The following CHUK variants were observed in gnomAD, a reference collection of about 807,000 sequenced individuals.
The protein encoded by CHUK is inhibitor of nuclear factor kappa-B kinase subunit alpha.
CHUK carries 35 observed loss-of-function variants against 104.8 expected under a neutral mutation model. The observed-to-expected ratio is 0.33, with a 90% CI of 0.26 to 0.44. The LOEUF (loss-of-function observed/expected upper bound fraction) is 0.44. CHUK is among the 20% of genes least tolerant of loss of function. The pLI is 1.00. For missense variants in CHUK, 663 were observed against 902.7 expected (o/e 0.73, Z 3.40); for synonymous variants, 276 against 291.9 (o/e 0.95, Z 0.56).
At chr10:100,198,827 T>A (rs1845396474) in intron 16 of CHUK, among the ~76,000 whole-genome samples, 1 of 152,254 alleles carries the variant, frequency 6.6e-6, no homozygotes, top group Admixed American at 6.5e-5. Flanking sequence ...AGTATATCTT[T>A]TTTTAACATG....
At chr10:100,189,733 G>T in intron 20 of CHUK, 106 bp from the exon 21 acceptor site, 2 of 758,264 alleles carry the variant, frequency 2.6e-6, no homozygotes, top group Non-Finnish European at 2.3e-6. Flanking sequence ...ATAATCAAAA[G>T]TTGAAAAATC....
chr10:100,198,769 TATTA>T (rs1197935022), intron 16 of CHUK, among the ~76,000 whole-genome samples: 5 of 152,344 alleles, frequency 3.3e-5, no homozygotes, highest in East Asian at 1.9e-4. Context: ...TTCACATGTA[TATTA>T]ATTTGCATGT....
intron 16 of CHUK, among the ~76,000 whole-genome samples, chr10:100,197,453 A>G (rs1845360095): frequency 6.6e-6 from 1 of 152,182 alleles, no homozygotes; most frequent in Admixed American, 6.5e-5. Flanking sequence ...TTTTGGTCTC[A>G]GGACCCCTTT....
At chr10:100,226,851 T>C (rs970884878) in intron 1 of CHUK, among the ~76,000 whole-genome samples, 1 of 152,018 alleles carries the variant, frequency 6.6e-6, no homozygotes, top group African/African-American at 2.4e-5. Flanking sequence ...AAATATATTA[T>C]AGGTGGGGAA....
intron 19 of CHUK, chr10:100,192,583 G>A: frequency 1.0e-6 from 1 of 985,166 alleles, no homozygotes; most frequent in Non-Finnish European, 1.2e-6. Flanking sequence ...CTAATTATGG[G>A]CAGAGCTTCC....
chr10:100,228,985 GCGCGCGCGCACACACA>G lies in CHUK; in HGVS notation c.105+427_105+442del, dbSNP rs1027285271. On this transcript the variant is annotated intron_variant, in intron 1 of 20. Transcript: ENST00000370397. Reference sequence around the variant, plus strand: ...TATCATATGGCCTCCAAGCGCGCGCGCGCGCGCGCACACACACACACACACACACACACACACACAC... The same window carrying G: ...TATCATATGGCCTCCAAGCGCGCGCGCACACACACACACACACACACACAC... 5.7e-5 allele frequency among the ~76,000 whole-genome samples: 5 copies of G among 86,998 alleles called. No individual in the cohort carries two copies. The South Asian group carries it at 9.7e-4, about 17-fold the overall frequency. The allele number at this position is 86,998 out of a possible 152,430, so 57.1% of individuals were successfully genotyped here.
chr10:100,193,505 T>C lies in CHUK; in HGVS notation c.1975-74A>G. 3 of 1,548,106 alleles carry C rather than the reference T, an allele frequency of 1.9e-6. No homozygotes were observed. In the South Asian group the frequency reaches 3.4e-5, roughly 17 times the overall value. On this transcript the variant is annotated intron_variant, in intron 18 of 20. Transcript: ENST00000370397. ...TTGATTCACACAATTTCTTATCATA[T>C]TCCTAAGACTTACATTTCCGTTACT... is the stretch of plus-strand genomic sequence containing the variant.
chr10:100,193,899 C>G, intron 18 of CHUK, 85 bp downstream of exon 18: 1 of 1,227,132 alleles, frequency 8.1e-7, no homozygotes, highest in South Asian at 1.2e-5. Context: ...TTCAAGAGGG[C>G]CCACCTCATG....
downstream of CHUK, chr10:100,186,786 C>G (rs150727314): frequency 6.6e-6 from 1 of 152,230 alleles, no homozygotes; most frequent in East Asian, 1.9e-4. Flanking sequence ...TAGATGAATA[C>G]AAGAGAAATT....
intron 9 of CHUK, among the ~76,000 whole-genome samples, chr10:100,211,442 G>A (rs1265577709): frequency 3.3e-5 from 5 of 151,668 alleles, no homozygotes; most frequent in East Asian, 3.9e-4. Flanking sequence ...TTTTGCTGCC[G>A]TAATTTTTGG....
Position 100,194,119 on chromosome 10 carries a change from G to A in CHUK, c.1839C>T (p.Gly613=), listed in dbSNP as rs768110516. 3 of 1,613,440 alleles carry A rather than the reference G, an allele frequency of 1.9e-6. No homozygotes were observed. The South Asian group carries it at 3.3e-5, about 18-fold the overall frequency. The part of the protein sequence containing the change: ...ELFGHLSKLL[G]CKQKIIDLLP... ...GTAGATCAATAATCTTCTGCTTACA[G>A]CCCAACAACTTGCTGGAGAGATTAA... Residue 613 remains glycine (G), a synonymous_variant, in exon 18 of 21, where the codon GGC becomes GGT. Coordinates refer to ENST00000370397, the MANE Select transcript of CHUK (RefSeq NM_001278.5).
At chr10:100,218,316 C>A (rs1025090251) in intron 8 of CHUK, among the ~76,000 whole-genome samples, 186 bp from the exon 9 acceptor site, 27 of 152,150 alleles carry the variant, frequency 1.8e-4, no homozygotes, top group African/African-American at 6.0e-4. Flanking sequence ...AAAAACTACT[C>A]AAAACTCCAC....
At position 100,188,447 on chromosome 10, in the gene CHUK, T is replaced by C. The variant is rs1324870339; in HGVS notation, c.*1151A>G. Reference sequence around the variant, plus strand: ...TTCACATTTTTTAAGACAAATAATATCTTCTAAATTACTTAGCAGATGATA... The same window carrying C: ...TTCACATTTTTTAAGACAAATAATACCTTCTAAATTACTTAGCAGATGATA... On this transcript the variant is annotated 3_prime_UTR_variant, in exon 21 of 21. Coordinates refer to ENST00000370397, the MANE Select transcript of CHUK (RefSeq NM_001278.5). 1 of 152,648 alleles carries C rather than the reference T, an allele frequency of 6.6e-6. No individual in the cohort carries two copies. The highest frequency in any genetic ancestry group is 1.5e-5 in the Non-Finnish European group (1 of 68,028). The allele number at this position is 152,648 out of a possible 1,614,324, so 9.5% of individuals were successfully genotyped here. A position where few individuals can be genotyped will look rare whatever the true frequency, so the allele number is the denominator to read the frequency against.
At chr10:100,210,993 A>T (rs1241879333) in intron 9 of CHUK, among the ~76,000 whole-genome samples, 1 of 152,230 alleles carries the variant, frequency 6.6e-6, no homozygotes, top group East Asian at 1.9e-4. Flanking sequence ...TACATTCTCC[A>T]TGCCTTACAT....
intron 16 of CHUK, 98 bp from the exon 17 acceptor site, chr10:100,194,619 A>C (rs1302916017): frequency 1.4e-6 from 1 of 706,010 alleles, no homozygotes; most frequent in African/African-American, 1.8e-5. Context: ...TCTGAAACTA[A>C]TTTTAATTAA....
intron 13 of CHUK, among the ~76,000 whole-genome samples, 153 bp downstream of exon 13, chr10:100,204,353 T>G (rs1210543552): frequency 6.6e-6 from 1 of 152,172 alleles, no homozygotes; most frequent in Non-Finnish European, 1.5e-5. Flanking sequence ...GAGGTAACAT[T>G]CAAAACAAAC....
At chr10:100,187,326 T>G (rs1004883336), downstream of CHUK, 15 of 152,148 alleles carry the variant, frequency 9.9e-5, no homozygotes, top group African/African-American at 3.1e-4. Flanking sequence ...ATAGAATCAA[T>G]CCGTCTTCAT....
At position 100,229,542 on chromosome 10, in the gene CHUK, G is replaced by A. The variant is rs1004125378; in HGVS notation, c.-10C>T. On this transcript the variant is annotated 5_prime_UTR_variant, in exon 1 of 21. Transcript: ENST00000370397. ...CCGGGGGCCGCTCCATGGGGCGGGAGGGCAAGCGGCCTCAGGTTCCACAGT... is the reference window on the plus strand; with the variant it reads ...CCGGGGGCCGCTCCATGGGGCGGGAAGGCAAGCGGCCTCAGGTTCCACAGT... The A allele has an allele frequency of 1.3e-5, 19 of 1,518,318 alleles. No homozygotes were observed. The highest frequency in any genetic ancestry group is 2.0e-5 in the Admixed American group (1 of 49,198). 94.1% of individuals were successfully genotyped at this position (1,518,318 alleles called of 1,614,324 possible).
rs17729417 is a variant in CHUK at position 100,200,385 on chromosome 10, G to A, written c.1679+286C>T. On this transcript the variant is annotated intron_variant, in intron 15 of 20. Coordinates refer to ENST00000370397, the MANE Select transcript of CHUK (RefSeq NM_001278.5). ...TAAGAGTCAATACCTTGGACCAGAG[G>A]TATAATGAGTAGGGAAATAGTTTGT... 0.073 allele frequency among the ~76,000 whole-genome samples: 11,159 copies of A among 152,144 alleles called. 537 individuals are homozygous for A. Among genetic ancestry groups the A allele is most frequent in the African/African-American group, 0.13 (5,541 of 41,488 alleles).
Sources: allele counts gnomAD v4.1 joint callset (sites outside exome capture counted in the v4.1 genomes callset), GRCh38; gene constraint gnomAD v4.1.1; transcripts MANE v1.5; gene names NCBI Gene and HGNC (gene_info 2026-07-23, HGNC 2026-07-21).